STXBP6: variants seen among roughly 807,000 people sequenced by gnomAD.
STXBP6 encodes syntaxin binding protein 6.
In STXBP6, 21 loss-of-function variants were observed where a neutral mutation model predicts 26.9. The ratio of observed to expected loss-of-function variants is 0.78; its 90% CI spans 0.55 to 1.12. The LOEUF is 1.12. Ranked by LOEUF, STXBP6 falls within the 50% of genes most tolerant of loss-of-function variation. STXBP6 has a pLI of 0.00. For missense variants in STXBP6, 232 were observed against 257.9 expected (o/e 0.90, Z 0.69); for synonymous variants, 97 against 92.6 (o/e 1.05, Z -0.27).
intron 1 of STXBP6, among the ~76,000 whole-genome samples, chr14:25,014,122 A>G (rs189990187): frequency 1.4e-4 from 22 of 152,350 alleles, no homozygotes; most frequent in African/African-American, 5.1e-4. Flanking sequence ...CCATTGTTGA[A>G]GCTGAGAGAG....
intron 2 of STXBP6, among the ~76,000 whole-genome samples, chr14:24,876,396 T>A (rs181645630): frequency 1.8e-4 from 27 of 152,360 alleles, no homozygotes; most frequent in African/African-American, 5.8e-4. Flanking sequence ...CTTCCTCATC[T>A]TGTTTCCTGG....
intron 2 of STXBP6, among the ~76,000 whole-genome samples, chr14:24,950,910 C>T (rs576577783): frequency 4.6e-5 from 7 of 151,884 alleles, no homozygotes; most frequent in Non-Finnish European, 1.0e-4. Flanking sequence ...TCCCGACAGG[C>T]CCCCCGTGTG....
intron 1 of STXBP6, among the ~76,000 whole-genome samples, chr14:24,990,307 AG>A (rs2074433324): frequency 6.6e-6 from 1 of 152,050 alleles, no homozygotes; most frequent in African/African-American, 2.4e-5. Flanking sequence ...GGATGGGGAG[AG>A]TTGAGAAAGG....
intron 5 of STXBP6, among the ~76,000 whole-genome samples, chr14:24,814,782 T>C (rs534262186): frequency 1.3e-5 from 2 of 152,104 alleles, no homozygotes; most frequent in Non-Finnish European, 2.9e-5. Flanking sequence ...CACTCATGAA[T>C]GAGATTAGTG....
chr14:25,048,270 A>G (rs1317825710), intron 1 of STXBP6, among the ~76,000 whole-genome samples: 1 of 152,204 alleles, frequency 6.6e-6, no homozygotes, highest in Non-Finnish European at 1.5e-5. Flanking sequence ...TTTCATTTTC[A>G]TTATCTCATC....
At chr14:25,033,657 C>T (rs1419958191) in intron 1 of STXBP6, among the ~76,000 whole-genome samples, 1 of 152,146 alleles carries the variant, frequency 6.6e-6, no homozygotes, top group African/African-American at 2.4e-5. Flanking sequence ...CAGATCTCAG[C>T]TCATCATGAC....
intron 1 of STXBP6, among the ~76,000 whole-genome samples, chr14:25,021,477 G>A (rs1412300945): frequency 6.6e-6 from 1 of 151,990 alleles, no homozygotes; most frequent in Non-Finnish European, 1.5e-5. Context: ...AGAAGAATAG[G>A]GTGTCTTCAT....
rs189600470 is a variant in STXBP6, at chr14:24,844,531, T to G, written c.451+11405A>C. ...AATTATGGGTAGTTAGTGCCAGAAC[T>G]GGATTAAATTGTAGGGCACCCAATT... On this transcript the variant is annotated intron_variant, in intron 4 of 5. Coordinates refer to ENST00000323944, the MANE Select transcript of STXBP6 (RefSeq NM_001394410.1). Among the ~76,000 whole-genome samples, 83 of 152,262 alleles carry G rather than the reference T, an allele frequency of 5.5e-4. 1 individual carries two copies. In the East Asian group the frequency reaches 0.014, roughly 27 times the overall value.
intron 1 of STXBP6, 70 bp from the exon 2 acceptor site, chr14:24,974,920 G>T: frequency 9.9e-7 from 1 of 1,013,344 alleles, no homozygotes. Context: ...ATAATCAGCA[G>T]CAAGTGAATT....
intron 1 of STXBP6, among the ~76,000 whole-genome samples, chr14:25,042,951 T>C (rs76138569): frequency 0.24 from 37,014 of 152,162 alleles, 4,689 homozygotes; most frequent in African/African-American, 0.3. Context: ...CCTCTTTAAA[T>C]AGAGATTTTT....
At position 24,857,026 on chromosome 14, in the gene STXBP6, C is replaced by T; in HGVS notation, c.285+1G>A. On this transcript the variant is annotated splice_donor_variant, in intron 3 of 5. Coordinates refer to ENST00000323944, the MANE Select transcript of STXBP6 (RefSeq NM_001394410.1). LOFTEE classifies it high-confidence loss of function. Reference sequence around the variant, plus strand: ...TGCTCAGCATTGGACAATTCACTCACCCCATTAGGATCGATACCATTAACC... The same window carrying T: ...TGCTCAGCATTGGACAATTCACTCATCCCATTAGGATCGATACCATTAACC... 1 of 1,612,508 alleles carries T rather than the reference C, an allele frequency of 6.2e-7. No individual in the cohort carries two copies. Among genetic ancestry groups the T allele is most frequent in the Non-Finnish European group, 8.5e-7 (1 of 1,178,880 alleles).
At chr14:24,818,896 A>G (rs1486065901) in intron 5 of STXBP6, 141 bp downstream of exon 5, 1 of 1,138,732 alleles carries the variant, frequency 8.8e-7, no homozygotes, top group Non-Finnish European at 1.2e-6. Context: ...GGTGTTTAGT[A>G]AGTAGCAGAT....
intron 2 of STXBP6, among the ~76,000 whole-genome samples, chr14:24,933,261 G>C (rs1001341041): frequency 2.6e-5 from 4 of 152,184 alleles, no homozygotes; most frequent in African/African-American, 9.7e-5. Context: ...AGGATCCCCT[G>C]AGCAAGGGAG....
At chr14:24,987,692 C>T (rs781576989) in intron 1 of STXBP6, among the ~76,000 whole-genome samples, 15 of 152,236 alleles carry the variant, frequency 9.9e-5, no homozygotes, top group Middle Eastern at 3.2e-3. Flanking sequence ...TCCATTGCTA[C>T]CCTCTGCCAC....
chr14:24,998,527 A>T (rs1221953737), intron 1 of STXBP6, among the ~76,000 whole-genome samples: 1 of 152,200 alleles, frequency 6.6e-6, no homozygotes, highest in South Asian at 2.1e-4. Context: ...ATCAAATTAC[A>T]TGTTACTAGA....
chr14:24,941,903 C>A (rs982925460), intron 2 of STXBP6, among the ~76,000 whole-genome samples: 1 of 152,216 alleles, frequency 6.6e-6, no homozygotes, highest in Non-Finnish European at 1.5e-5. Context: ...AGTTACAGGG[C>A]CTCACACAGG....
intron 2 of STXBP6, among the ~76,000 whole-genome samples, chr14:24,949,307 C>T (rs969751083): frequency 4.6e-5 from 7 of 152,252 alleles, no homozygotes; most frequent in Admixed American, 2.0e-4. Context: ...TATCTCTTCC[C>T]AAGTTTAAAG....
At chr14:24,996,007 T>C (rs1218230755) in intron 1 of STXBP6, among the ~76,000 whole-genome samples, 3 of 152,234 alleles carry the variant, frequency 2.0e-5, no homozygotes, top group Admixed American at 2.0e-4. Context: ...TGTTGATCTA[T>C]ATATGTAGAT....
At chr14:24,891,560 A>G (rs1403313504) in intron 2 of STXBP6, among the ~76,000 whole-genome samples, 1 of 152,240 alleles carries the variant, frequency 6.6e-6, no homozygotes, top group East Asian at 1.9e-4. Context: ...AAAGAAATTT[A>G]CTTAGAATTC....
Sources: gnomAD v4.1 joint callset for allele counts (sites outside exome capture counted in the v4.1 genomes callset) on GRCh38, gnomAD v4.1.1 for gene constraint, MANE v1.5 for transcripts, NCBI Gene and HGNC (gene_info 2026-07-23, HGNC 2026-07-21) for gene names.